Variants in RAB3GAP1 observed in about 807,000 individuals in gnomAD.
RAB3GAP1 encodes rab3 GTPase-activating protein catalytic subunit.
In RAB3GAP1, 86 loss-of-function variants were observed where a neutral mutation model predicts 130.7. That is an observed-to-expected ratio of 0.66 (90% CI 0.55 to 0.79). RAB3GAP1 has a LOEUF of 0.79. Among genes scored for constraint, RAB3GAP1 ranks in the 30% least tolerant of loss-of-function variants. The pLI is 0.00. For synonymous variants in RAB3GAP1, 367 were observed against 401.7 expected (o/e 0.91, Z 1.03); for missense variants, 1,029 against 1,169.4 (o/e 0.88, Z 1.75).
intron 3 of RAB3GAP1, among the ~76,000 whole-genome samples, chr2:135,088,218 T>C (rs961043992): frequency 3.3e-5 from 5 of 152,216 alleles, no homozygotes; most frequent in African/African-American, 4.8e-5. Flanking sequence ...TTCTGGACTT[T>C]CTTTTACCTA....
chr2:135,150,166 GGGA>G (rs576965587), intron 17 of RAB3GAP1, among the ~76,000 whole-genome samples, 200 bp from the exon 18 acceptor site: 22 of 152,198 alleles, frequency 1.4e-4, no homozygotes, highest in African/African-American at 5.1e-4. Context: ...ATCTGTGAGG[GGGA>G]GGAGGCCTGA....
chr2:135,110,626 G>T (rs1272072256), intron 5 of RAB3GAP1, among the ~76,000 whole-genome samples: 1 of 152,198 alleles, frequency 6.6e-6, no homozygotes, highest in African/African-American at 2.4e-5. Flanking sequence ...TGTGTGTACA[G>T]TAAGGAGGTT....
intron 5 of RAB3GAP1, among the ~76,000 whole-genome samples, chr2:135,100,865 A>C (rs1690429381): frequency 6.6e-6 from 1 of 152,270 alleles, no homozygotes; most frequent in African/African-American, 2.4e-5. Flanking sequence ...ATGGAAACTC[A>C]TAGGAGGTAC....
At chr2:135,162,425 G>A (rs1488586255) in intron 19 of RAB3GAP1, 130 bp from the exon 20 acceptor site, 5 of 727,058 alleles carry the variant, frequency 6.9e-6, no homozygotes, top group Admixed American at 4.0e-5. Flanking sequence ...CTTTGGGGTC[G>A]TGGCTGCCTA....
intron 23 of RAB3GAP1, 152 bp from the exon 24 acceptor site, chr2:135,168,393 G>A: frequency 1.3e-6 from 1 of 786,766 alleles, no homozygotes; most frequent in Non-Finnish European, 2.3e-6. Flanking sequence ...TGTGTTATGT[G>A]GTTTTTGAGT....
intron 3 of RAB3GAP1, among the ~76,000 whole-genome samples, chr2:135,071,904 ATCTTTCTTTCTT>A (rs200105104): frequency 6.6e-6 from 1 of 151,860 alleles, no homozygotes; most frequent in East Asian, 1.9e-4. Context: ...ATTGTATTGA[ATCTTTCTTTCTT>A]TCTTTCTTTC....
chr2:135,163,095 T>G lies in RAB3GAP1; in HGVS notation c.2600T>G (p.Leu867Arg). ...KCEQEEEKEDLERFVSCLLEQ... is the reference protein window; with the variant it reads ...KCEQEEEKEDRERFVSCLLEQ... The stretch of plus-strand genomic sequence containing the variant: ...GAACAGGAGGAGGAAAAGGAAGATC[T>G]TGAAAGGTAATTGCTATTTGGCTAA... Residue 867 changes from leucine to arginine, a missense_variant, in exon 22 of 24, where the codon CTT (leucine) becomes CGT (arginine). Coordinates refer to ENST00000264158, the MANE Select transcript of RAB3GAP1 (RefSeq NM_012233.3). The G allele has an allele frequency of 1.9e-6, 3 of 1,610,564 alleles. No individual in the cohort carries two copies. Among genetic ancestry groups the G allele is most frequent in the Non-Finnish European group, 2.5e-6 (3 of 1,176,750 alleles).
intron 9 of RAB3GAP1, 76 bp downstream of exon 9, chr2:135,124,322 C>T (rs1691286906): frequency 1.5e-6 from 2 of 1,352,728 alleles, no homozygotes; most frequent in Non-Finnish European, 2.1e-6. Flanking sequence ...TTTCACTGTG[C>T]TTTATGATGC....
At chr2:135,055,111 A>T (rs998717517) in intron 2 of RAB3GAP1, among the ~76,000 whole-genome samples, 1 of 152,204 alleles carries the variant, frequency 6.6e-6, no homozygotes, top group East Asian at 1.9e-4. Context: ...CTAAATGTGC[A>T]GTCTAGTGCA....
At chr2:135,103,034 G>GTTTTTTTTTT (rs1355666279) in intron 5 of RAB3GAP1, among the ~76,000 whole-genome samples, 3 of 100,458 alleles carry the variant, frequency 3.0e-5, no homozygotes, top group African/African-American at 1.4e-4. Context: ...TCATTTTTGT[G>GTTTTTTTTTT]ATTTTTTTTT....
chr2:135,161,604 G>A (rs938552803), intron 19 of RAB3GAP1, among the ~76,000 whole-genome samples: 3 of 151,914 alleles, frequency 2.0e-5, no homozygotes, highest in Non-Finnish European at 2.9e-5. Context: ...CTAAGCTGGT[G>A]TTTTCTTTAA....
chr2:135,152,350 G>C (rs62170253), intron 18 of RAB3GAP1, among the ~76,000 whole-genome samples: 6,396 of 152,298 alleles, frequency 0.042, 159 homozygotes, highest in African/African-American at 0.056. Context: ...TCTCTTGGTA[G>C]CTATGTTCAG....
At chr2:135,119,447 A>C (rs1691130539) in intron 7 of RAB3GAP1, among the ~76,000 whole-genome samples, 1 of 152,046 alleles carries the variant, frequency 6.6e-6, no homozygotes, top group Admixed American at 6.6e-5. Flanking sequence ...TTTTGTATTT[A>C]TCTGTGTGAC....
intron 23 of RAB3GAP1, 96 bp from the exon 24 acceptor site, chr2:135,168,449 T>C (rs1692728975): frequency 9.7e-7 from 1 of 1,030,764 alleles, no homozygotes. Context: ...CGTGGGACAT[T>C]TTCATATCTT....
intron 2 of RAB3GAP1, among the ~76,000 whole-genome samples, chr2:135,054,993 T>A (rs1688971554): frequency 6.6e-6 from 1 of 152,248 alleles, no homozygotes; most frequent in Non-Finnish European, 1.5e-5. Flanking sequence ...ACTCTTTTTA[T>A]CATTTGTTCA....
intron 5 of RAB3GAP1, among the ~76,000 whole-genome samples, chr2:135,094,744 C>T (rs974544612): frequency 6.6e-6 from 1 of 152,140 alleles, no homozygotes; most frequent in Non-Finnish European, 1.5e-5. Flanking sequence ...CTCTTATCTC[C>T]GTGAGTTCAG....
chr2:135,116,741 C>G (rs761194341), intron 7 of RAB3GAP1, among the ~76,000 whole-genome samples: 13 of 151,962 alleles, frequency 8.6e-5, no homozygotes, highest in Non-Finnish European at 1.9e-4. Context: ...TCAGAAGATT[C>G]AGCCAAAAAA....
chr2:135,138,000 T>C (rs1413235268), intron 17 of RAB3GAP1, among the ~76,000 whole-genome samples: 2 of 151,856 alleles, frequency 1.3e-5, no homozygotes, highest in Non-Finnish European at 2.9e-5. Context: ...TAATTTTTCG[T>C]GGTTTTTATA....
chr2:135,105,553 G>A (rs959398223), intron 5 of RAB3GAP1, among the ~76,000 whole-genome samples: 3 of 152,108 alleles, frequency 2.0e-5, no homozygotes, highest in Non-Finnish European at 2.9e-5. Flanking sequence ...GCCCAGGCTG[G>A]AGTGCAGTGG....
Sources: gnomAD v4.1 joint callset for allele counts (sites outside exome capture counted in the v4.1 genomes callset) on GRCh38, gnomAD v4.1.1 for gene constraint, MANE v1.5 for transcripts, NCBI Gene and HGNC (gene_info 2026-07-23, HGNC 2026-07-21) for gene names.